RAPGEF1: variants seen among roughly 807,000 people sequenced by gnomAD.
The protein encoded by RAPGEF1 is Rap guanine nucleotide exchange factor 1, also known as CRK SH3-binding GNRP.
RAPGEF1 carries 33 observed loss-of-function variants against 143.3 expected under a neutral mutation model. The ratio of observed to expected loss-of-function variants is 0.23; its 90% CI spans 0.17 to 0.31. The LOEUF (loss-of-function observed/expected upper bound fraction) is 0.31, where lower values mean the gene tolerates loss of function less well. Ranked by LOEUF, RAPGEF1 falls within the 10% of genes least tolerant of loss-of-function variation. The probability of loss-of-function intolerance (pLI) is 1.00; values close to 1 mark genes in which losing one functional copy is unlikely to be tolerated. For synonymous variants in RAPGEF1, 629 were observed against 676.5 expected (o/e 0.93, Z 1.09); for missense variants, 1,199 against 1,645.4 (o/e 0.73, Z 4.69).
rs1363471066 is a variant in RAPGEF1 at position 131,628,523 on chromosome 9, C to T, written c.1017+26G>A. On this transcript the variant is annotated intron_variant, in intron 8 of 26. Coordinates refer to ENST00000683357, the MANE Select transcript of RAPGEF1 (RefSeq NM_001377935.1). This position sits in a 1 kb window ranked among gnomAD's most constrained non-coding sequence, Gnocchi z 5.7. The stretch of plus-strand genomic sequence containing the variant: ...GCCCCCCACCCCCTCCCTGCCTTCC[C>T]ATGCAGGGAACAGGGGCTGCATTAC... 6.2e-7 allele frequency: 1 copy of T among 1,604,886 alleles called. No individual in the cohort carries two copies. The highest frequency in any genetic ancestry group is 1.3e-5 in the African/African-American group (1 of 74,774).
intron 1 of RAPGEF1, among the ~76,000 whole-genome samples, chr9:131,735,706 G>A (rs925720528): frequency 6.6e-6 from 1 of 152,160 alleles, no homozygotes; most frequent in Non-Finnish European, 1.5e-5. Context: ...GTGGGCCGTC[G>A]GAGGTGTGGC....
At chr9:131,709,846 C>T (rs1055364726) in intron 1 of RAPGEF1, 2 of 1,431,284 alleles carry the variant, frequency 1.4e-6, no homozygotes, top group Non-Finnish European at 1.8e-6. Context: ...GAATCTCATT[C>T]TCAAGTCTTT....
intron 5 of RAPGEF1, among the ~76,000 whole-genome samples, chr9:131,638,184 C>A (rs751732503): frequency 6.6e-6 from 1 of 152,214 alleles, no homozygotes; most frequent in Non-Finnish European, 1.5e-5. Flanking sequence ...ATACACAGAC[C>A]ACATCACGGA....
At chr9:131,714,974 G>A (rs574677978) in intron 1 of RAPGEF1, among the ~76,000 whole-genome samples, 1 of 152,232 alleles carries the variant, frequency 6.6e-6, no homozygotes, top group East Asian at 1.9e-4. Flanking sequence ...GCCTCCCAAA[G>A]TGCTGGAATT....
intron 3 of RAPGEF1, among the ~76,000 whole-genome samples, chr9:131,647,118 T>C (rs1969870202): frequency 6.6e-6 from 1 of 152,208 alleles, no homozygotes; most frequent in Non-Finnish European, 1.5e-5. Context: ...ACTTCAACAC[T>C]CTGCAGCTCA....
At chr9:131,668,662 C>T (rs1204580243) in intron 1 of RAPGEF1, among the ~76,000 whole-genome samples, 2 of 152,132 alleles carry the variant, frequency 1.3e-5, no homozygotes, top group Non-Finnish European at 1.5e-5. Flanking sequence ...CCCAGGGAAG[C>T]GTTTCTTTTC....
At chr9:131,688,879 T>C (rs571371430) in intron 1 of RAPGEF1, among the ~76,000 whole-genome samples, 1 of 152,286 alleles carries the variant, frequency 6.6e-6, no homozygotes, top group South Asian at 2.1e-4. Flanking sequence ...GCCTGGGCCA[T>C]AGAACGAAAC....
chr9:131,715,636 T>C (rs543518999), intron 1 of RAPGEF1, among the ~76,000 whole-genome samples: 3 of 151,958 alleles, frequency 2.0e-5, no homozygotes, highest in Non-Finnish European at 2.9e-5. Context: ...GAGGCCAAGG[T>C]GGGCAGATCA....
chr9:131,738,958 C>T (rs991741154), intron 1 of RAPGEF1, among the ~76,000 whole-genome samples: 2 of 152,178 alleles, frequency 1.3e-5, no homozygotes, highest in Non-Finnish European at 2.9e-5. Flanking sequence ...GGGCATGCTC[C>T]CAGTACAGGA....
intron 1 of RAPGEF1, among the ~76,000 whole-genome samples, chr9:131,706,104 CA>C (rs1200436275): frequency 6.6e-6 from 1 of 152,142 alleles, no homozygotes; most frequent in African/African-American, 2.4e-5. Context: ...AGCAAATCCA[CA>C]TAACGATATG....
At chr9:131,705,562 C>G (rs1157455625) in intron 1 of RAPGEF1, among the ~76,000 whole-genome samples, 7 of 152,150 alleles carry the variant, frequency 4.6e-5, no homozygotes, top group African/African-American at 1.7e-4. Context: ...TCCCACTCCC[C>G]ATCTTATTTT....
intron 1 of RAPGEF1, among the ~76,000 whole-genome samples, chr9:131,732,834 C>A (rs2131345254): frequency 6.6e-6 from 1 of 152,318 alleles, no homozygotes; most frequent in Non-Finnish European, 1.5e-5. Context: ...GTTCAAGGCA[C>A]CGTAATGGCA....
In RAPGEF1 at chr9:131,605,811, C is replaced by A. The variant is rs113105454; in HGVS notation, c.2062-623G>T. Among the ~76,000 whole-genome samples, 1,203 of 150,362 alleles carry A rather than the reference C, an allele frequency of 8.0e-3. 7 individuals carry two copies. Among genetic ancestry groups the A allele is most frequent in the Non-Finnish European group, 0.012 (812 of 67,792 alleles). ...GAAGTAGGCTGGGCATGGTGGCTCACACCTGCAGTCTCAGCTCTTTGGGAG... is the reference window on the plus strand; with the variant it reads ...GAAGTAGGCTGGGCATGGTGGCTCAAACCTGCAGTCTCAGCTCTTTGGGAG... On this transcript the variant is annotated intron_variant, in intron 12 of 26. Coordinates refer to ENST00000683357, the MANE Select transcript of RAPGEF1 (RefSeq NM_001377935.1).
chr9:131,589,383 G>A lies in RAPGEF1; in HGVS notation c.2868-397C>T, dbSNP rs370421293. Among the ~76,000 whole-genome samples, 47 of 152,352 alleles carry A rather than the reference G, an allele frequency of 3.1e-4. 1 individual carries two copies. The highest frequency in any genetic ancestry group is 1.2e-3 in the Admixed American group (19 of 15,310). ...TTGCCCTGCTGAGCACTGTCCACAC[G>A]TGGCCATTTCCCAGCCGCACAGCCA... On this transcript the variant is annotated intron_variant, in intron 19 of 26. Transcript: ENST00000683357.
At chr9:131,690,468 A>G (rs994288561) in intron 1 of RAPGEF1, among the ~76,000 whole-genome samples, 1 of 152,138 alleles carries the variant, frequency 6.6e-6, no homozygotes, top group African/African-American at 2.4e-5. Context: ...TTTTTTCTAA[A>G]CCTTTTTTTT....
At chr9:131,594,110 C>A (rs1954832195) in intron 17 of RAPGEF1, among the ~76,000 whole-genome samples, 1 of 152,102 alleles carries the variant, frequency 6.6e-6, no homozygotes, top group Non-Finnish European at 1.5e-5. Context: ...CCCATGTCTG[C>A]CCAATTCCAG....
At chr9:131,714,071 C>T (rs1835692359) in intron 1 of RAPGEF1, among the ~76,000 whole-genome samples, 1 of 151,652 alleles carries the variant, frequency 6.6e-6, no homozygotes, top group East Asian at 1.9e-4. Flanking sequence ...TTTTAAGAGA[C>T]AGGGTCTCCC....
At chr9:131,661,597 AAC>A (rs921502551) in intron 1 of RAPGEF1, among the ~76,000 whole-genome samples, 2 of 152,206 alleles carry the variant, frequency 1.3e-5, no homozygotes, top group African/African-American at 4.8e-5. Context: ...AGTATATTCC[AAC>A]AAAAAGGTGA....
At chr9:131,695,595 T>G (rs2131060838) in intron 1 of RAPGEF1, among the ~76,000 whole-genome samples, 1 of 152,340 alleles carries the variant, frequency 6.6e-6, no homozygotes, top group East Asian at 1.9e-4. Context: ...CTGCCAATCC[T>G]AACCTTAGTG....
Sources: gnomAD v4.1 joint callset for allele counts (sites outside exome capture counted in the v4.1 genomes callset) on GRCh38, gnomAD v4.1.1 for gene constraint, Gnocchi (gnomAD v3.1) non-coding constraint, MANE v1.5 for transcripts, NCBI Gene and HGNC (gene_info 2026-07-23, HGNC 2026-07-21) for gene names.